The following GABRB2 variants were observed in gnomAD, a reference collection of about 807,000 sequenced individuals.
GABRB2 encodes the protein gamma-aminobutyric acid receptor subunit beta-2.
A neutral mutation model predicts 54.7 loss-of-function variants in GABRB2; 16 were observed. That is an observed-to-expected ratio of 0.29 (90% CI 0.20 to 0.44). The LOEUF is 0.44. Ranked by LOEUF, GABRB2 falls within the 20% of genes least tolerant of loss-of-function variation. The pLI, the probability that GABRB2 is intolerant of heterozygous loss-of-function variation, is 1.00. For missense variants in GABRB2, 355 were observed against 644.0 expected, an observed-to-expected ratio of 0.55 and a Z score of 4.86; for synonymous variants, 244 against 233.8, an observed-to-expected ratio of 1.04 and a Z score of -0.40.
At chr5:161,421,808 T>C (rs1242182890) in intron 4 of GABRB2, among the ~76,000 whole-genome samples, 1 of 152,098 alleles carries the variant, frequency 6.6e-6, no homozygotes, top group East Asian at 1.9e-4. Flanking sequence ...TTTAACTGGG[T>C]GGTGGAGAAG....
At chr5:161,447,080 T>C (rs144927557) in intron 4 of GABRB2, among the ~76,000 whole-genome samples, 2,225 of 152,304 alleles carry the variant, frequency 0.015, 26 homozygotes, top group South Asian at 0.03. Context: ...AAACAACTTA[T>C]GTGCCAGGCA....
rs1757259897 is a variant in GABRB2, at chr5:161,292,268, G to C, written c.*1813C>G. 6.6e-6 allele frequency: 1 copy of C among 152,176 alleles called. No homozygotes were observed. Among genetic ancestry groups the C allele is most frequent in the African/African-American group, 2.4e-5 (1 of 41,452 alleles). 9.4% of individuals were successfully genotyped at this position (152,176 alleles called of 1,614,324 possible). On this transcript the variant is annotated 3_prime_UTR_variant, in exon 10 of 10. Transcript: ENST00000393959. ...AGAAAACATACATTATTCACAGGTG[G>C]ATACTGGCTGCTATGCACAATTAGG...
chr5:161,488,831 CTA>C (rs1201874573), intron 3 of GABRB2, among the ~76,000 whole-genome samples: 3 of 151,736 alleles, frequency 2.0e-5, no homozygotes, highest in African/African-American at 2.4e-5. Context: ...AATGTCATGG[CTA>C]TACAGCAAGC....
intron 4 of GABRB2, among the ~76,000 whole-genome samples, chr5:161,446,116 A>G (rs1757607893): frequency 1.3e-5 from 2 of 152,130 alleles, no homozygotes; most frequent in African/African-American, 4.8e-5. Context: ...TATAAACCTT[A>G]TCATTAACAT....
intron 3 of GABRB2, among the ~76,000 whole-genome samples, chr5:161,506,256 C>T (rs920304137): frequency 3.3e-5 from 5 of 151,938 alleles, no homozygotes; most frequent in Non-Finnish European, 7.4e-5. Flanking sequence ...ATAAAAAAGA[C>T]CCATATCAGT....
intron 3 of GABRB2, among the ~76,000 whole-genome samples, chr5:161,487,521 G>A (rs1758964450): frequency 6.6e-6 from 1 of 151,878 alleles, no homozygotes; most frequent in Non-Finnish European, 1.5e-5. Flanking sequence ...GGCATATGGA[G>A]TCAAACAGAA....
At chr5:161,321,851 C>A (rs1250621647) in intron 9 of GABRB2, among the ~76,000 whole-genome samples, 1 of 151,954 alleles carries the variant, frequency 6.6e-6, no homozygotes, top group Non-Finnish European at 1.5e-5. Context: ...TCTTGGAACC[C>A]ATTACATCCT....
chr5:161,410,321 T>C (rs1490878218), intron 5 of GABRB2, among the ~76,000 whole-genome samples: 1 of 151,790 alleles, frequency 6.6e-6, no homozygotes, highest in African/African-American at 2.4e-5. Flanking sequence ...ATCATCAATG[T>C]GGAAGCTAAA....
chr5:161,466,386 T>C lies in GABRB2; in HGVS notation c.238-6542A>G, dbSNP rs994751919. ...TAGGATTATGGAAAGTAATAACATA[T>C]TTACACTGATATCTATAACCACTGC... On this transcript the variant is annotated intron_variant, in intron 3 of 9. Coordinates refer to ENST00000393959, the MANE Select transcript of GABRB2 (RefSeq NM_001371727.1). 4.6e-5 allele frequency among the ~76,000 whole-genome samples: 7 copies of C among 152,176 alleles called. No homozygotes were observed. In the East Asian group the frequency reaches 1.4e-3, roughly 29 times the overall value.
chr5:161,471,588 A>G (rs1758440125), intron 3 of GABRB2, among the ~76,000 whole-genome samples: 1 of 152,018 alleles, frequency 6.6e-6, no homozygotes, highest in Non-Finnish European at 1.5e-5. Context: ...GGTCCAGGCA[A>G]TCAGTTTTTC....
At chr5:161,547,528 C>A (rs185428809), upstream of GABRB2, among the ~76,000 whole-genome samples, 1,151 of 151,474 alleles carry the variant, frequency 7.6e-3, 14 homozygotes, top group African/African-American at 0.026. Context: ...GTTTTCTCGC[C>A]GTGTGACGTT....
rs1356147823 is a variant in GABRB2, at chr5:161,288,551, G to A, written c.*5530C>T. Reference sequence around the variant, plus strand: ...TTAAATTCAAGAAAATAATTCTTATGTGCTATTCATTTATAATCCTCATTT... The same window carrying A: ...TTAAATTCAAGAAAATAATTCTTATATGCTATTCATTTATAATCCTCATTT... On this transcript the variant is annotated 3_prime_UTR_variant, in exon 10 of 10. Transcript: ENST00000393959. 1.3e-5 allele frequency: 2 copies of A among 152,512 alleles called. No individual in the cohort carries two copies. The highest frequency in any genetic ancestry group is 1.9e-4 in the East Asian group (1 of 5,198). The allele number at this position is 152,512 out of a possible 1,614,324, so 9.4% of individuals were successfully genotyped here. A position where few individuals can be genotyped will look rare whatever the true frequency, so the allele number is the denominator to read the frequency against.
chr5:161,386,505 A>G (rs1038854159), intron 5 of GABRB2, among the ~76,000 whole-genome samples: 1 of 152,168 alleles, frequency 6.6e-6, no homozygotes. Context: ...TTATGGAAAT[A>G]TTGAGTTATA....
chr5:161,404,055 A>G (rs1183650519), intron 5 of GABRB2, among the ~76,000 whole-genome samples: 4 of 152,172 alleles, frequency 2.6e-5, no homozygotes, highest in South Asian at 2.1e-4. Context: ...ACTTTCTAAT[A>G]TTGGAAAAAT....
chr5:161,380,986 AG>A (rs1755448759), intron 5 of GABRB2, among the ~76,000 whole-genome samples: 1 of 152,190 alleles, frequency 6.6e-6, no homozygotes, highest in South Asian at 2.1e-4. Context: ...CCTATCATGG[AG>A]CTTCAGAACA....
intron 5 of GABRB2, among the ~76,000 whole-genome samples, chr5:161,384,377 A>G (rs1755559523): frequency 6.6e-6 from 1 of 152,070 alleles, no homozygotes; most frequent in African/African-American, 2.4e-5. Context: ...GTGGTGTGTA[A>G]TTGAGGAGGG....
chr5:161,385,807 A>G (rs1189504238), intron 5 of GABRB2, among the ~76,000 whole-genome samples: 1 of 152,148 alleles, frequency 6.6e-6, no homozygotes, highest in Non-Finnish European at 1.5e-5. Flanking sequence ...AGAATTAGTA[A>G]GAAAGCAGGT....
chr5:161,476,110 A>T (rs545618251), intron 3 of GABRB2, among the ~76,000 whole-genome samples: 1 of 152,118 alleles, frequency 6.6e-6, no homozygotes, highest in Admixed American at 6.6e-5. Context: ...CACAAAGTCA[A>T]TATTCAAAAA....
At chr5:161,472,496 A>T (rs1008856929) in intron 3 of GABRB2, among the ~76,000 whole-genome samples, 2 of 151,362 alleles carry the variant, frequency 1.3e-5, no homozygotes, top group Non-Finnish European at 3.0e-5. Flanking sequence ...ACTATTTGGG[A>T]CATACATAAA....
Sources: allele counts gnomAD v4.1 joint callset (sites outside exome capture counted in the v4.1 genomes callset), GRCh38; gene constraint gnomAD v4.1.1; transcripts MANE v1.5; gene names NCBI Gene and HGNC (gene_info 2026-07-23, HGNC 2026-07-21).